The following UNKL variants were observed in gnomAD, a reference collection of about 807,000 sequenced individuals.
UNKL encodes the protein unk like zinc finger, also known as putative E3 ubiquitin-protein ligase UNKL.
Under a neutral mutation model 78.0 loss-of-function variants are expected in UNKL, and 60 were observed. The observed-to-expected ratio is 0.77, with a 90% CI of 0.63 to 0.95. UNKL has a LOEUF of 0.95. UNKL is among the 40% of genes least tolerant of loss of function. The probability of loss-of-function intolerance (pLI) is 0.00; values close to 1 mark genes in which losing one functional copy is unlikely to be tolerated. For missense variants in UNKL, 1,159 were observed against 1,045.7 expected (o/e 1.11, Z -1.49); for synonymous variants, 608 against 474.8 (o/e 1.28, Z -3.65).
At chr16:1,406,170 G>C (rs991198581) in intron 2 of UNKL, 2 of 398,040 alleles carry the variant, frequency 5.0e-6, no homozygotes, top group East Asian at 1.5e-4. Flanking sequence ...GAAACAGCTG[G>C]GGGTGATGGG....
intron 6 of UNKL, among the ~76,000 whole-genome samples, chr16:1,395,404 G>T (rs1044566975): frequency 1.3e-4 from 20 of 152,046 alleles, no homozygotes; most frequent in African/African-American, 4.8e-4. Context: ...GACCTCAGGT[G>T]ATCTGCCTGC....
intron 5 of UNKL, chr16:1,398,326 T>A: frequency 1.0e-6 from 1 of 1,004,918 alleles, no homozygotes; most frequent in South Asian, 4.0e-5. Flanking sequence ...GCTGCTTTAT[T>A]GTAACTGATT....
rs535935227 is a variant in UNKL at position 1,366,381 on chromosome 16, G to T, written c.2061C>A (p.Leu687=). Residue 687 remains leucine, a synonymous_variant, in exon 15 of 15, where the codon CTC becomes CTA. Transcript: ENST00000389221. ...GGCAGGCCACACACTGCTTGGCGCG[G>T]AGCTGGAAGATCACCTGCAGGGCCA... ...LEAVDGVIFQ[L]RAKQCVACRE... The T allele has an allele frequency of 1.3e-6, 2 of 1,593,816 alleles. No individual in the cohort carries two copies. The highest frequency in any genetic ancestry group is 8.6e-7 in the Non-Finnish European group (1 of 1,168,048).
In UNKL at chr16:1,366,265, C is replaced by T; in HGVS notation, c.2177G>A (p.Cys726Tyr). Residue 726 changes from cysteine (C) to tyrosine (Y), a missense_variant, in exon 15 of 15, where the codon TGC becomes TAC. Coordinates refer to ENST00000389221, the MANE Select transcript of UNKL (RefSeq NM_001372107.1). ...TCACCACTGCAGGGGCTGGCCCTTGCAGTAGGGGCACTCAGGTGCGGTGGC... is the reference window on the plus strand; with the variant it reads ...TCACCACTGCAGGGGCTGGCCCTTGTAGTAGGGGCACTCAGGTGCGGTGGC... ...CAATAPECPY[C>Y]KGQPLQW 6 of 1,586,412 alleles carry T rather than the reference C, an allele frequency of 3.8e-6. No homozygotes were observed. Among genetic ancestry groups the T allele is most frequent in the African/African-American group, 1.3e-5 (1 of 74,566 alleles).
rs867107721 is a variant in UNKL, at chr16:1,391,414, A to C, written c.1024-720T>G. Among the ~76,000 whole-genome samples the C allele has an allele frequency of 4.0e-5, 6 of 151,774 alleles. No homozygotes were observed. In the South Asian group the frequency reaches 1.2e-3, roughly 32 times the overall value. On this transcript the variant is annotated intron_variant, in intron 8 of 14. Coordinates refer to ENST00000389221, the MANE Select transcript of UNKL (RefSeq NM_001372107.1). ...CTGGCTAAAGCAATCCTCCTGTCTC[A>C]GCCTCCCAAGAAGCTGTGAGCACAG...
At chr16:1,383,954 C>T (rs905413953) in intron 10 of UNKL, 12 of 278,542 alleles carry the variant, frequency 4.3e-5, no homozygotes, top group Admixed American at 1.4e-4. Flanking sequence ...GAGGCCAGAC[C>T]CGGGCTGAGC....
In UNKL at chr16:1,368,517, G is replaced by C. The variant is rs1352050363; in HGVS notation, c.1586-659C>G. 2.7e-5 allele frequency among the ~76,000 whole-genome samples: 4 copies of C among 147,188 alleles called. No individual in the cohort carries two copies. The East Asian group carries it at 6.1e-4, about 22-fold the overall frequency. ...CTCGGGAGGCTGAGGCAGGAGAATG[G>C]CGTGAACCCGGGAAGCGGAGCTTGC... is the stretch of plus-strand genomic sequence containing the variant. On this transcript the variant is annotated intron_variant, in intron 12 of 14. Coordinates refer to ENST00000389221, the MANE Select transcript of UNKL (RefSeq NM_001372107.1).
intron 9 of UNKL, among the ~76,000 whole-genome samples, chr16:1,386,281 G>A (rs1035700847): frequency 3.9e-5 from 6 of 151,976 alleles, no homozygotes; most frequent in East Asian, 1.9e-4. Flanking sequence ...GGCCGGGCGC[G>A]GTGGCTCACA....
intron 7 of UNKL, among the ~76,000 whole-genome samples, chr16:1,393,377 TGGA>T (rs2037130497): frequency 6.7e-6 from 1 of 149,726 alleles, no homozygotes; most frequent in African/African-American, 2.5e-5. Context: ...CACTGCAGCG[TGGA>T]GGAGGCCGCA....
At chr16:1,386,047 C>T (rs961248307) in intron 9 of UNKL, among the ~76,000 whole-genome samples, 4 of 152,220 alleles carry the variant, frequency 2.6e-5, no homozygotes, top group African/African-American at 9.6e-5. Flanking sequence ...CACAAGAAAA[C>T]ACCCGACACA....
chr16:1,398,478 G>A (rs2037371797), intron 5 of UNKL: 3 of 1,206,634 alleles, frequency 2.5e-6, no homozygotes, highest in South Asian at 1.9e-5. Flanking sequence ...CTGCTCAGAG[G>A]GAGACTGAAC....
At chr16:1,393,529 G>T (rs577353982) in intron 7 of UNKL, among the ~76,000 whole-genome samples, 1 of 152,218 alleles carries the variant, frequency 6.6e-6, no homozygotes, top group Non-Finnish European at 1.5e-5. Flanking sequence ...GGCCGCGTGG[G>T]TTCCCACTGG....
At chr16:1,366,723 C>T (rs1447726672) in intron 14 of UNKL, among the ~76,000 whole-genome samples, 2 of 152,154 alleles carry the variant, frequency 1.3e-5, no homozygotes, top group Non-Finnish European at 2.9e-5. Flanking sequence ...CCTATAGCAG[C>T]GAGTCCAAGA....
intron 2 of UNKL, chr16:1,406,088 G>T (rs1173345284): frequency 2.2e-6 from 1 of 456,530 alleles, no homozygotes; most frequent in Admixed American, 2.3e-5. Flanking sequence ...GGGCTTAGGA[G>T]ACAGGCAGTG....
Position 1,388,572 on chromosome 16 carries a change from C to T in UNKL, c.1086+2060G>A, listed in dbSNP as rs116928492. Among the ~76,000 whole-genome samples, 829 of 152,268 alleles carry T rather than the reference C, an allele frequency of 5.4e-3. 1 individual carries two copies. The highest frequency in any genetic ancestry group is 9.0e-3 in the Non-Finnish European group (614 of 68,020). ...GCGCACACTGTGACTTCAGCCCAAA[C>T]GATCACCTGAAAATCATCAACATCC... On this transcript the variant is annotated intron_variant, in intron 9 of 14. Coordinates refer to ENST00000389221, the MANE Select transcript of UNKL (RefSeq NM_001372107.1).
At chr16:1,401,730 C>T in intron 3 of UNKL, 29 bp from the exon 4 acceptor site, 1 of 1,590,186 alleles carries the variant, frequency 6.3e-7, no homozygotes, top group Non-Finnish European at 8.6e-7. Context: ...GTGGTCACAG[C>T]TCTGCATCTG....
Position 1,364,741 on chromosome 16 carries a change from G to A in UNKL, c.*1499C>T, listed in dbSNP as rs949666015. 5 of 152,236 alleles carry A rather than the reference G, an allele frequency of 3.3e-5. No homozygotes were observed. The highest frequency in any genetic ancestry group is 5.9e-5 in the Non-Finnish European group (4 of 68,064). 9.4% of individuals were successfully genotyped at this position (152,236 alleles called of 1,614,324 possible). On this transcript the variant is annotated 3_prime_UTR_variant, in exon 15 of 15. Transcript: ENST00000389221. Reference sequence around the variant, plus strand: ...CCGGGTCCTCTCCTGTGACCTCACTGGCCACATGGATGAGCTCCGATGATA... The same window carrying A: ...CCGGGTCCTCTCCTGTGACCTCACTAGCCACATGGATGAGCTCCGATGATA...
intron 8 of UNKL, among the ~76,000 whole-genome samples, chr16:1,392,112 C>T (rs1028933585): frequency 1.3e-5 from 2 of 152,204 alleles, no homozygotes; most frequent in African/African-American, 4.8e-5. Context: ...GAGCCATTCA[C>T]CTAAGGCAGA....
Position 1,385,275 on chromosome 16 carries a change from C to T in UNKL, c.1197G>A (p.Ala399=), listed in dbSNP as rs539281347. The T allele has an allele frequency of 1.5e-5, 20 of 1,356,948 alleles. No individual in the cohort carries two copies. Among genetic ancestry groups the T allele is most frequent in the Admixed American group, 7.7e-5 (2 of 26,022 alleles). 84.1% of individuals were successfully genotyped at this position (1,356,948 alleles called of 1,614,324 possible). The part of the protein sequence containing the change: ...SAGSGSSSPT[A]LPAPPARALP... ...GGGCACGGGCGGGGGGCGCGGGCAG[C>T]GCAGTGGGGGAGGAGCTGCCGGAGC... Residue 399 remains alanine (A), a synonymous_variant, in exon 10 of 15, where the codon GCG becomes GCA. Transcript: ENST00000389221.
Sources: gnomAD v4.1 joint callset for allele counts (sites outside exome capture counted in the v4.1 genomes callset) on GRCh38, gnomAD v4.1.1 for gene constraint, MANE v1.5 for transcripts, NCBI Gene and HGNC (gene_info 2026-07-23, HGNC 2026-07-21) for gene names.